The following RCC1L variants were observed in gnomAD, a reference collection of about 807,000 sequenced individuals.
The protein encoded by RCC1L is RCC1 like.
RCC1L carries 46 observed loss-of-function variants against 58.6 expected under a neutral mutation model. That is an observed-to-expected ratio of 0.79 (90% CI 0.62 to 1.00). The LOEUF is 1.00. Ranked by LOEUF, RCC1L falls within the 50% of genes least tolerant of loss-of-function variation. RCC1L has a pLI of 0.00. For synonymous variants in RCC1L, 281 were observed against 262.9 expected (o/e 1.07, Z -0.67); for missense variants, 636 against 623.6 (o/e 1.02, Z -0.21).
At chr7:75,064,134 A>T (rs1484180053) in intron 4 of RCC1L, among the ~76,000 whole-genome samples, 1 of 152,050 alleles carries the variant, frequency 6.6e-6, no homozygotes, top group Non-Finnish European at 1.5e-5. Flanking sequence ...GATGGAAACC[A>T]TTCTGGCCAA....
intron 3 of RCC1L, among the ~76,000 whole-genome samples, chr7:75,066,190 G>T (rs767522362): frequency 5.9e-4 from 90 of 152,176 alleles, no homozygotes; most frequent in Non-Finnish European, 8.5e-4. Context: ...AGTGGCTCAC[G>T]CCTGTAATCC....
downstream of RCC1L, among the ~76,000 whole-genome samples, chr7:75,039,531 A>C (rs932843601): frequency 6.6e-5 from 10 of 152,202 alleles, no homozygotes; most frequent in African/African-American, 2.4e-4. Flanking sequence ...TCTTCCCCGA[A>C]GAAATTAGTG....
Position 75,042,845 on chromosome 7 carries a change from GGA to G in RCC1L, c.*185_*186del, listed in dbSNP as rs1805607051. 4.1e-6 allele frequency: 6 copies of G among 1,450,438 alleles called. No individual in the cohort carries two copies. The highest frequency in any genetic ancestry group is 5.5e-6 in the Non-Finnish European group (6 of 1,097,980). The allele number at this position is 1,450,438 out of a possible 1,614,324, so 89.8% of individuals were successfully genotyped here. A position where few individuals can be genotyped will look rare whatever the true frequency, so the allele number is the denominator to read the frequency against. On this transcript the variant is annotated 3_prime_UTR_variant, in exon 11 of 11. Transcript: ENST00000610322. ...AGTTCCGCAGGCCTCACCTGCAGCT[GGA>G]GAGGGACCTTGCCCTGATCCTCCTG...
chr7:75,040,318 G>A (rs1805524465), downstream of RCC1L, among the ~76,000 whole-genome samples: 2 of 152,100 alleles, frequency 1.3e-5, no homozygotes, highest in South Asian at 2.1e-4. Flanking sequence ...AAATTAGCCG[G>A]GCGTGGTAGT....
intron 2 of RCC1L, among the ~76,000 whole-genome samples, chr7:75,070,217 C>T (rs1373672999): frequency 6.6e-6 from 1 of 152,144 alleles, no homozygotes; most frequent in African/African-American, 2.4e-5. Flanking sequence ...CAAACAACAT[C>T]CCTTTAAGTC....
In RCC1L at chr7:75,073,407, C is replaced by T. The variant is rs770940267; in HGVS notation, c.324+7G>A. ...GAAGGAGAGAAGGAGGAAGCCGCGGCCTGCACCTTTTGGTCCAGCTCCAGG... is the reference window on the plus strand; with the variant it reads ...GAAGGAGAGAAGGAGGAAGCCGCGGTCTGCACCTTTTGGTCCAGCTCCAGG... On this transcript the variant is annotated splice_region_variant and intron_variant, in intron 1 of 10. Coordinates refer to ENST00000610322, the MANE Select transcript of RCC1L (RefSeq NM_030798.5). 4 of 1,187,082 alleles carry T rather than the reference C, an allele frequency of 3.4e-6. No homozygotes were observed. The highest frequency in any genetic ancestry group is 4.4e-6 in the Non-Finnish European group (4 of 910,614). The allele number at this position is 1,187,082 out of a possible 1,614,324, so 73.5% of individuals were successfully genotyped here. A position where few individuals can be genotyped will look rare whatever the true frequency, so the allele number is the denominator to read the frequency against.
chr7:75,052,489 C>A (rs898462497), intron 10 of RCC1L, among the ~76,000 whole-genome samples: 1 of 152,266 alleles, frequency 6.6e-6, no homozygotes, highest in Admixed American at 6.5e-5. Context: ...GTCACTCCCC[C>A]ACGCATCACA....
chr7:75,067,410 C>T (rs1806538052), intron 2 of RCC1L, among the ~76,000 whole-genome samples: 1 of 152,134 alleles, frequency 6.6e-6, no homozygotes, highest in African/African-American at 2.4e-5. Context: ...AGGCGGATCA[C>T]TTGAGGTCAG....
downstream of RCC1L, among the ~76,000 whole-genome samples, chr7:75,041,846 A>G (rs1805576107): frequency 6.6e-6 from 1 of 150,720 alleles, no homozygotes; most frequent in South Asian, 2.1e-4. Flanking sequence ...CCTGGGCAAC[A>G]AAGCAAGACT....
intron 4 of RCC1L, 29 bp from the exon 5 acceptor site, chr7:75,063,372 C>T: frequency 6.2e-7 from 1 of 1,613,292 alleles, no homozygotes; most frequent in Middle Eastern, 1.7e-4. Flanking sequence ...TGGGAAGAAG[C>T]AAGGGATGCG....
Position 75,043,070 on chromosome 7 carries a change from C to A in RCC1L, c.1357G>T (p.Val453Leu). Residue 453 changes from valine to leucine, a missense_variant, in exon 11 of 11, where the codon GTG (valine) becomes TTG (leucine). Coordinates refer to ENST00000610322, the MANE Select transcript of RCC1L (RefSeq NM_030798.5). ...PGEPVDVACG[V>L]DHMVTLAKSF... ...TTGGCCAGGGTCACCATGTGGTCCA[C>A]GCCACATGCCACGTCCACAGGCTCC... 1 of 1,614,032 alleles carries A rather than the reference C, an allele frequency of 6.2e-7. No individual in the cohort carries two copies. The highest frequency in any genetic ancestry group is 1.1e-5 in the South Asian group (1 of 91,082).
At chr7:75,052,898 A>C (rs920001990) in intron 9 of RCC1L, 102 bp from the exon 10 acceptor site, 40 of 1,064,278 alleles carry the variant, frequency 3.8e-5, no homozygotes, top group Non-Finnish European at 5.6e-5. Context: ...CCAGATACCT[A>C]CAGAGCCCAC....
At chr7:75,070,411 A>C (rs1263351120) in intron 2 of RCC1L, among the ~76,000 whole-genome samples, 4 of 152,014 alleles carry the variant, frequency 2.6e-5, no homozygotes, top group Non-Finnish European at 5.9e-5. Flanking sequence ...ACTCTACTAA[A>C]AATGCAAAAA....
chr7:75,073,444 G>A lies in RCC1L; in HGVS notation c.294C>T (p.Pro98=). Residue 98 remains proline, a synonymous_variant, in exon 1 of 11, where the codon CCC becomes CCT. Coordinates refer to ENST00000610322, the MANE Select transcript of RCC1L (RefSeq NM_030798.5). ...GGTCCAGCTCCAGGCGATAGGGCAC[G>A]GGCTGGATCCTGCGGCGCGGTCGGG... The part of the protein sequence containing the change: ...AGARPRRRIQ[P]VPYRLELDQK... 7.4e-7 allele frequency: 1 copy of A among 1,355,174 alleles called. No individual in the cohort carries two copies. The allele number at this position is 1,355,174 out of a possible 1,614,324, so 83.9% of individuals were successfully genotyped here.
intron 8 of RCC1L, chr7:75,056,403 A>G (rs1806082934): frequency 1.0e-6 from 1 of 1,001,626 alleles, no homozygotes; most frequent in Admixed American, 3.0e-5. Flanking sequence ...AATACCAGAG[A>G]ATTGGAGGAT....
chr7:75,055,689 G>A (rs587691708), intron 9 of RCC1L: 4 of 622,610 alleles, frequency 6.4e-6, no homozygotes, highest in South Asian at 4.0e-5. Context: ...CAAACCAAAC[G>A]AACCAAAATT....
At chr7:75,029,721 C>T (rs1038282986) in intron 10 of RCC1L, among the ~76,000 whole-genome samples, 23 of 152,148 alleles carry the variant, frequency 1.5e-4, no homozygotes, top group African/African-American at 2.9e-4. Context: ...CCTTCTAGTC[C>T]GCTCCGAGCA....
chr7:75,073,587 C>A lies in RCC1L; in HGVS notation c.151G>T (p.Val51Leu). Residue 51 changes from valine (V) to leucine (L), a missense_variant, in exon 1 of 11, where the codon GTG (valine) becomes TTG (leucine). Physicochemically the swap from Val to Leu is conservative, Grantham distance 32. Coordinates refer to ENST00000610322, the MANE Select transcript of RCC1L (RefSeq NM_030798.5). ...AEAEVPVVQY[V>L]GERAARADRV... ...TCGGCGCGGGCAGCGCGCTCGCCCA[C>A]GTACTGGACCACGGGCACCTCCGCC... 6.5e-7 allele frequency: 1 copy of A among 1,527,166 alleles called. No individual in the cohort carries two copies. The highest frequency in any genetic ancestry group is 8.7e-7 in the Non-Finnish European group (1 of 1,147,968). 94.6% of individuals were successfully genotyped at this position (1,527,166 alleles called of 1,614,324 possible). A position where few individuals can be genotyped will look rare whatever the true frequency, so the allele number is the denominator to read the frequency against.
chr7:75,070,952 C>T (rs969017153), intron 1 of RCC1L, among the ~76,000 whole-genome samples, 183 bp from the exon 2 acceptor site: 1 of 152,108 alleles, frequency 6.6e-6, no homozygotes, highest in African/African-American at 2.4e-5. Flanking sequence ...CGGCTCACTG[C>T]AATCTCCATC....
Sources: gnomAD v4.1 joint callset for allele counts (sites outside exome capture counted in the v4.1 genomes callset) on GRCh38, gnomAD v4.1.1 for gene constraint, MANE v1.5 for transcripts, NCBI Gene and HGNC (gene_info 2026-07-23, HGNC 2026-07-21) for gene names.